Variants in FN1 observed in about 807,000 individuals in gnomAD.
FN1 encodes fibronectin 1, also known as fibronectin.
Under a neutral mutation model 297.3 loss-of-function variants are expected in FN1, and 106 were observed. That is an observed-to-expected ratio of 0.36 (90% CI 0.30 to 0.42). The LOEUF (loss-of-function observed/expected upper bound fraction) is 0.42. Among genes scored for constraint, FN1 ranks in the 10% least tolerant of loss-of-function variants. FN1 has a pLI of 1.00. For missense variants in FN1, 2,690 were observed against 3,124.9 expected (o/e 0.86, Z 3.32); for synonymous variants, 1,149 against 1,152.6 (o/e 1.00, Z 0.06).
Position 215,361,620 on chromosome 2 carries a change from T to G in FN1, c.7369A>C (p.Asn2457His). ...GGCATGAAGCACTCAATTGGGCAAT[T>G]AACATTCTGTTAAAAAGGAAGAAGG... ...RYHQRTNTNV[N>H]CPIECFMPLD... Residue 2457 changes from asparagine (N) to histidine (H), a missense_variant, in exon 46 of 46, where the codon AAT (asparagine) becomes CAT (histidine). This residue lies in a region of FN1 where 1,743 missense variants were observed against 1,945.2 expected (regional missense o/e 0.90). Coordinates refer to ENST00000354785, the MANE Select transcript of FN1 (RefSeq NM_212482.4). 1 of 1,609,850 alleles carries G rather than the reference T, an allele frequency of 6.2e-7. No individual in the cohort carries two copies. The highest frequency in any genetic ancestry group is 2.2e-5 in the East Asian group (1 of 44,832).
At chr2:215,390,384 T>C (rs975067578) in intron 26 of FN1, among the ~76,000 whole-genome samples, 10 of 152,098 alleles carry the variant, frequency 6.6e-5, no homozygotes, top group Non-Finnish European at 2.9e-5. Context: ...TTGGTCTCAC[T>C]GTGTTGCCCA....
rs992882109 is a variant in FN1 at position 215,430,992 on chromosome 2, C to T, written c.548-140G>A. ...GGCACTCTGTTCAGAAAGAATGACACACCCAGCATCTAAGCACACAGTAAG... is the reference window on the plus strand; with the variant it reads ...GGCACTCTGTTCAGAAAGAATGACATACCCAGCATCTAAGCACACAGTAAG... On this transcript the variant is annotated intron_variant, in intron 4 of 45. Coordinates refer to ENST00000354785, the MANE Select transcript of FN1 (RefSeq NM_212482.4). 4 of 824,580 alleles carry T rather than the reference C, an allele frequency of 4.9e-6. No individual in the cohort carries two copies. The African/African-American group carries it at 5.1e-5, about 11-fold the overall frequency. 51.1% of individuals were successfully genotyped at this position (824,580 alleles called of 1,614,324 possible).
chr2:215,402,127 C>T (rs1030985811), intron 20 of FN1, among the ~76,000 whole-genome samples: 3 of 152,114 alleles, frequency 2.0e-5, no homozygotes, highest in Non-Finnish European at 4.4e-5. Flanking sequence ...CTGTGAAAAC[C>T]ACAACTTTTT....
At chr2:215,423,655 A>T (rs1044413267) in intron 8 of FN1, 129 bp from the exon 9 acceptor site, 5 of 831,680 alleles carry the variant, frequency 6.0e-6, no homozygotes, top group Non-Finnish European at 1.0e-5. Context: ...CAGAATAAAA[A>T]ATGTCTGATA....
intron 44 of FN1, among the ~76,000 whole-genome samples, chr2:215,363,798 CATATT>C (rs1190554473): frequency 6.6e-6 from 1 of 152,162 alleles, no homozygotes; most frequent in Non-Finnish European, 1.5e-5. Context: ...AATTTGAAAT[CATATT>C]AGAGAAAGGC....
intron 5 of FN1, 30 bp from the exon 6 acceptor site, chr2:215,428,368 T>C: frequency 6.2e-7 from 1 of 1,610,486 alleles, no homozygotes; most frequent in Admixed American, 1.7e-5. Flanking sequence ...CATACATACA[T>C]CAGGTCGAGA....
chr2:215,378,284 G>A (rs1262006262), intron 34 of FN1, 22 bp from the exon 35 acceptor site: 1 of 1,406,420 alleles, frequency 7.1e-7, no homozygotes, highest in Non-Finnish European at 1.0e-6. Context: ...AGGGCATGGT[G>A]AGCTTTAGCA....
chr2:215,402,331 G>GGTTCTGGCAGGTCTTGTTA (rs1460312085), intron 20 of FN1, among the ~76,000 whole-genome samples: 1 of 152,148 alleles, frequency 6.6e-6, no homozygotes, highest in African/African-American at 2.4e-5. Flanking sequence ...GTGAGCTATG[G>GGTTCTGGCAGGTCTTGTTA]GTTCTGGCAG....
At position 215,372,055 on chromosome 2, in the gene FN1, A is replaced by T. The variant is rs1386858560; in HGVS notation, c.6568T>A (p.Tyr2190Asn). The T allele has an allele frequency of 2.5e-6, 4 of 1,614,064 alleles. No individual in the cohort carries two copies. The Admixed American group carries it at 6.7e-5, about 27-fold the overall frequency. Reference sequence around the variant, plus strand: ...GGATTGAGTCCCGGACCGTGTGGGTACAGGTGATAGTCTACATCTTCCCTG... The same window carrying T: ...GGATTGAGTCCCGGACCGTGTGGGTTCAGGTGATAGTCTACATCTTCCCTG... ...IPREDVDYHL[Y>N]PHGPGLNPNA... is the part of the protein sequence containing the mutation. The change falls in exon 40 of 46, where the codon TAC (tyrosine) becomes AAC (asparagine). Residue 2190 changes from tyrosine (Y) to asparagine (N), a missense_variant. Physicochemically the swap from Tyr to Asn is moderately radical, Grantham distance 143. Around this residue, in one of 3 missense-constraint regions of FN1, gnomAD observed 1,743 missense variants for 1,945.2 expected, o/e 0.90. Transcript: ENST00000354785.
In FN1 at chr2:215,368,024, T is replaced by C. The variant is rs755660970; in HGVS notation, c.6857A>G (p.Asn2286Ser). 8.1e-6 allele frequency: 13 copies of C among 1,613,988 alleles called. No individual in the cohort carries two copies. Among genetic ancestry groups the C allele is most frequent in the African/African-American group, 1.3e-5 (1 of 74,920 alleles). ...ATCCGTAGGTTGGTTCAAGCCTTCG[T>C]TGACTATGAAGAAAAGGAAGAAAAA... ...EEVVTVGNSV[N>S]EGLNQPTDDS... Residue 2286 changes from asparagine (N) to serine (S), a missense_variant, in exon 42 of 46, where the codon AAC (asparagine) becomes AGC (serine). Asn to Ser is a conservative substitution (Grantham distance 46). Around this residue, in one of 3 missense-constraint regions of FN1, gnomAD observed 1,743 missense variants for 1,945.2 expected, o/e 0.90. Transcript: ENST00000354785.
intron 12 of FN1, among the ~76,000 whole-genome samples, chr2:215,418,618 C>A (rs1305895885): frequency 2.0e-5 from 3 of 152,088 alleles, no homozygotes; most frequent in African/African-American, 4.8e-5. Context: ...ATTTTCCCCC[C>A]AAATGAACTA....
intron 7 of FN1, 136 bp downstream of exon 7, chr2:215,424,958 A>C (rs915572531): frequency 3.7e-6 from 3 of 812,006 alleles, no homozygotes; most frequent in Non-Finnish European, 6.3e-6. Flanking sequence ...TTCAAATGCC[A>C]ACCCTAATTG....
intron 41 of FN1, among the ~76,000 whole-genome samples, chr2:215,368,941 CAGTGCAAAACTCA>C (rs1399942641): frequency 9.9e-5 from 15 of 152,054 alleles, no homozygotes; most frequent in Admixed American, 9.8e-4. Flanking sequence ...TTTCTTTTTA[CAGTGCAAAACTCA>C]AAAGCTCAAA....
At chr2:215,403,086 G>A (rs1159504622) in intron 20 of FN1, among the ~76,000 whole-genome samples, 1 of 152,046 alleles carries the variant, frequency 6.6e-6, no homozygotes, top group Non-Finnish European at 1.5e-5. Context: ...TTCACTGAAG[G>A]ACATTTATAA....
intron 30 of FN1, 49 bp from the exon 31 acceptor site, chr2:215,383,532 C>G: frequency 1.3e-6 from 2 of 1,573,892 alleles, no homozygotes; most frequent in Non-Finnish European, 8.7e-7. Context: ...TCCTTGGAGA[C>G]AAGATTGGAC....
chr2:215,366,578 G>A (rs2054652827), intron 42 of FN1, among the ~76,000 whole-genome samples: 1 of 152,168 alleles, frequency 6.6e-6, no homozygotes, highest in African/African-American at 2.4e-5. Context: ...CTATACATAA[G>A]GGATGACTTT....
intron 5 of FN1, among the ~76,000 whole-genome samples, chr2:215,429,712 C>T (rs1345289865): frequency 1.3e-5 from 2 of 152,102 alleles, no homozygotes; most frequent in Non-Finnish European, 2.9e-5. Flanking sequence ...TCTCCCTGAC[C>T]CCCTAAGTAC....
At chr2:215,398,720 T>C (rs973885683) in intron 21 of FN1, among the ~76,000 whole-genome samples, 1 of 152,240 alleles carries the variant, frequency 6.6e-6, no homozygotes, top group African/African-American at 2.4e-5. Context: ...TATTCACCGC[T>C]TCCCTAATAT....
chr2:215,365,126 G>A, intron 43 of FN1, 141 bp from the exon 44 acceptor site: 1 of 718,590 alleles, frequency 1.4e-6, no homozygotes, highest in Non-Finnish European at 2.5e-6. Flanking sequence ...ATCCCTAAGA[G>A]CAGTACTGCT....
Sources: gnomAD v4.1 joint callset for allele counts (sites outside exome capture counted in the v4.1 genomes callset) on GRCh38, gnomAD v4.1.1 for gene constraint, gnomAD v4.1.1 regional missense constraint, MANE v1.5 for transcripts, NCBI Gene and HGNC (gene_info 2026-07-23, HGNC 2026-07-21) for gene names.